The following CNTNAP5 variants were observed in gnomAD, a reference collection of about 807,000 sequenced individuals.
CNTNAP5 encodes contactin-associated protein-like 5.
In CNTNAP5, 72 loss-of-function variants were observed where a neutral mutation model predicts 150.2. The observed-to-expected ratio is 0.48, with a 90% CI of 0.40 to 0.58. CNTNAP5 has a LOEUF of 0.58. Among genes scored for constraint, CNTNAP5 ranks in the 20% least tolerant of loss-of-function variants. The pLI, the probability that CNTNAP5 is intolerant of heterozygous loss-of-function variation, is 0.00. For synonymous variants in CNTNAP5, 672 were observed against 619.8 expected (o/e 1.08, Z -1.25); for missense variants, 1,636 against 1,626.2 (o/e 1.01, Z -0.10).
At chr2:124,760,405 C>T (rs913937878) in intron 14 of CNTNAP5, among the ~76,000 whole-genome samples, 2 of 152,000 alleles carry the variant, frequency 1.3e-5, no homozygotes, top group African/African-American at 4.8e-5. Context: ...AACCAAAATT[C>T]GTTGATGAAA....
At chr2:124,576,270 A>C (rs1696281587) in intron 11 of CNTNAP5, among the ~76,000 whole-genome samples, 1 of 152,120 alleles carries the variant, frequency 6.6e-6, no homozygotes, top group Non-Finnish European at 1.5e-5. Context: ...GAGTTGTCAA[A>C]GTCAGTTTTC....
At chr2:124,410,183 C>A (rs1691710841) in intron 3 of CNTNAP5, among the ~76,000 whole-genome samples, 2 of 151,224 alleles carry the variant, frequency 1.3e-5, no homozygotes, top group African/African-American at 4.9e-5. Context: ...AGCTAACTAT[C>A]CTAAATATAT....
chr2:124,027,003 C>T (rs1680910921), intron 1 of CNTNAP5, among the ~76,000 whole-genome samples: 3 of 152,134 alleles, frequency 2.0e-5, no homozygotes, highest in African/African-American at 4.8e-5. Context: ...TTTTGGAGGG[C>T]CAGCATCTAT....
At chr2:124,474,001 G>A (rs370782361) in intron 6 of CNTNAP5, among the ~76,000 whole-genome samples, 1 of 151,862 alleles carries the variant, frequency 6.6e-6, no homozygotes, top group Non-Finnish European at 1.5e-5. Context: ...GACAAAAACC[G>A]CAGTTGCTTT....
rs1187009530 is a variant in CNTNAP5 at position 124,451,165 on chromosome 2, A to G, written c.918+4228A>G. 7.4e-5 allele frequency among the ~76,000 whole-genome samples: 11 copies of G among 149,524 alleles called. No individual in the cohort carries two copies. The South Asian group carries it at 1.9e-3, about 26-fold the overall frequency. ...ATATGCACATACATATTTGATTTAC[A>G]TATTATCACTTCATAGATACTGAAA... On this transcript the variant is annotated intron_variant, in intron 6 of 23. Coordinates refer to ENST00000682447, the MANE Select transcript of CNTNAP5 (RefSeq NM_001367498.1).
chr2:124,280,590 G>A (rs1040957144), intron 3 of CNTNAP5, among the ~76,000 whole-genome samples: 14 of 152,048 alleles, frequency 9.2e-5, no homozygotes. Flanking sequence ...CAGCACCAAA[G>A]GGAGACAGCA....
chr2:124,049,163 C>T (rs1025872301), intron 1 of CNTNAP5, among the ~76,000 whole-genome samples: 1 of 152,156 alleles, frequency 6.6e-6, no homozygotes, highest in African/African-American at 2.4e-5. Flanking sequence ...CTATGATCTC[C>T]TTCATTTGGT....
intron 7 of CNTNAP5, among the ~76,000 whole-genome samples, chr2:124,480,457 G>A (rs1693737420): frequency 6.6e-6 from 1 of 152,114 alleles, no homozygotes; most frequent in African/African-American, 2.4e-5. Context: ...CTCACTGTCA[G>A]AGTTATGTGT....
Position 124,617,241 on chromosome 2 carries a change from G to A in CNTNAP5, c.1876+7321G>A, listed in dbSNP as rs565840545. 1.5e-4 allele frequency among the ~76,000 whole-genome samples: 23 copies of A among 152,034 alleles called. No homozygotes were observed. In the South Asian group the frequency reaches 4.8e-3, roughly 32 times the overall value. Reference sequence around the variant, plus strand: ...TTTAATGAACTATCTGTGAAGCACAGTAAAGTGAAGTTCAATAAAACAAGC... The same window carrying A: ...TTTAATGAACTATCTGTGAAGCACAATAAAGTGAAGTTCAATAAAACAAGC... On this transcript the variant is annotated intron_variant, in intron 12 of 23. Transcript: ENST00000682447.
intron 3 of CNTNAP5, among the ~76,000 whole-genome samples, chr2:124,257,369 G>A (rs764572260): frequency 6.6e-6 from 1 of 152,140 alleles, no homozygotes; most frequent in African/African-American, 2.4e-5. Context: ...ACAATAATTT[G>A]TATTCCTCCA....
At chr2:124,836,153 G>A (rs931249998) in intron 19 of CNTNAP5, among the ~76,000 whole-genome samples, 14 of 152,022 alleles carry the variant, frequency 9.2e-5, no homozygotes, top group Non-Finnish European at 1.9e-4. Flanking sequence ...GATTTCCGAG[G>A]GGATAGTTTT....
chr2:124,205,651 C>A (rs1685844928), intron 1 of CNTNAP5, among the ~76,000 whole-genome samples: 1 of 152,164 alleles, frequency 6.6e-6, no homozygotes, highest in South Asian at 2.1e-4. Context: ...ATCCGCCCAC[C>A]TCCACCTCCC....
chr2:124,788,386 T>C (rs1681643329), intron 17 of CNTNAP5, among the ~76,000 whole-genome samples: 1 of 152,194 alleles, frequency 6.6e-6, no homozygotes, highest in African/African-American at 2.4e-5. Context: ...TACAAGCCTA[T>C]TGTGTATTCC....
intron 1 of CNTNAP5, among the ~76,000 whole-genome samples, chr2:124,149,403 CAAAAAA>C (rs71394025): frequency 4.1e-4 from 34 of 82,776 alleles, no homozygotes; most frequent in African/African-American, 1.3e-3. Flanking sequence ...GCGTCAATTG[CAAAAAA>C]AAAAAAAAAA....
chr2:124,131,370 T>C (rs1193976309), intron 1 of CNTNAP5, among the ~76,000 whole-genome samples: 1 of 152,190 alleles, frequency 6.6e-6, no homozygotes, highest in Non-Finnish European at 1.5e-5. Flanking sequence ...CCCAGGATCA[T>C]TCAGTCCTGC....
At chr2:124,642,893 T>C (rs1678123133) in intron 12 of CNTNAP5, among the ~76,000 whole-genome samples, 1 of 152,184 alleles carries the variant, frequency 6.6e-6, no homozygotes. Context: ...ACAATGCAAC[T>C]TGGGAAATAC....
chr2:124,083,430 G>A (rs901709875), intron 1 of CNTNAP5, among the ~76,000 whole-genome samples: 2 of 151,844 alleles, frequency 1.3e-5, no homozygotes, highest in African/African-American at 2.4e-5. Flanking sequence ...CCATGTTTAG[G>A]GTCTTTTGTA....
chr2:124,590,738 C>G (rs1696660098), intron 11 of CNTNAP5, among the ~76,000 whole-genome samples: 1 of 152,128 alleles, frequency 6.6e-6, no homozygotes, highest in South Asian at 2.1e-4. Flanking sequence ...AGAAACAGGA[C>G]TGATACATTT....
intron 3 of CNTNAP5, among the ~76,000 whole-genome samples, chr2:124,392,757 A>C (rs1305349234): frequency 6.6e-6 from 1 of 151,540 alleles, no homozygotes; most frequent in African/African-American, 2.4e-5. Flanking sequence ...AGGGAAGGAG[A>C]ATGAAAAAAA....
Sources: allele counts gnomAD v4.1 joint callset (sites outside exome capture counted in the v4.1 genomes callset), GRCh38; gene constraint gnomAD v4.1.1; transcripts MANE v1.5; gene names NCBI Gene and HGNC (gene_info 2026-07-23, HGNC 2026-07-21).